Variants in B4GALNT3 observed in about 807,000 individuals in gnomAD.
B4GALNT3 encodes beta-1,4-N-acetyl-galactosaminyltransferase 3.
In B4GALNT3, 86 loss-of-function variants were observed where a neutral mutation model predicts 120.2. The ratio of observed to expected loss-of-function variants is 0.72; its 90% CI spans 0.60 to 0.86. The LOEUF (loss-of-function observed/expected upper bound fraction) is 0.86. B4GALNT3 is among the 40% of genes least tolerant of loss of function. The pLI is 0.00. For missense variants in B4GALNT3, 1,167 were observed against 1,298.9 expected, an observed-to-expected ratio of 0.90 and a Z score of 1.56; for synonymous variants, 518 against 510.4, an observed-to-expected ratio of 1.01 and a Z score of -0.20.
At chr12:514,858 G>T (rs145676080) in intron 1 of B4GALNT3, among the ~76,000 whole-genome samples, 1 of 151,776 alleles carries the variant, frequency 6.6e-6, no homozygotes, top group African/African-American at 2.4e-5. Flanking sequence ...GTGAAACCTC[G>T]TCTCCACTAA....
chr12:491,966 GA>G (rs747062578), intron 1 of B4GALNT3, among the ~76,000 whole-genome samples: 64 of 150,896 alleles, frequency 4.2e-4, no homozygotes, highest in Middle Eastern at 6.9e-3. Context: ...GCTGAGGCAG[GA>G]AAATTGTGTG....
rs55927726 is a variant in B4GALNT3 at position 500,865 on chromosome 12, CTTTT to C, written c.170-34284_170-34281del. Among the ~76,000 whole-genome samples, 18 of 61,810 alleles carry C rather than the reference CTTTT, an allele frequency of 2.9e-4. 1 individual carries two copies. The highest frequency in any genetic ancestry group is 9.7e-4 in the African/African-American group (13 of 13,342). 40.5% of individuals were successfully genotyped at this position (61,810 alleles called of 152,430 possible). A position where few individuals can be genotyped will look rare whatever the true frequency, so the allele number is the denominator to read the frequency against. ...CTGAATTTGAATCCTGGCTCCACTG[CTTTT>C]TTTTTTTTTTTTTTTTGACACAGGG... On this transcript the variant is annotated intron_variant, in intron 1 of 19. Transcript: ENST00000266383.
intron 1 of B4GALNT3, among the ~76,000 whole-genome samples, chr12:531,554 G>A (rs573706335): frequency 2.0e-5 from 3 of 152,196 alleles, no homozygotes; most frequent in African/African-American, 7.2e-5. Context: ...GGAGGCTAAG[G>A]TGGGAGGATT....
chr12:494,220 G>T (rs964628495), intron 1 of B4GALNT3, among the ~76,000 whole-genome samples: 2 of 151,438 alleles, frequency 1.3e-5, no homozygotes, highest in East Asian at 3.9e-4. Context: ...CAAGGCTGCC[G>T]TGAGCCATGA....
chr12:521,507 T>C (rs181789237), intron 1 of B4GALNT3, among the ~76,000 whole-genome samples: 14 of 152,168 alleles, frequency 9.2e-5, no homozygotes, highest in Non-Finnish European at 1.6e-4. Context: ...TTGGCCTGAA[T>C]TAGGAAGGAA....
chr12:493,669 G>C (rs1299434168), intron 1 of B4GALNT3, among the ~76,000 whole-genome samples: 1 of 151,516 alleles, frequency 6.6e-6, no homozygotes, highest in Non-Finnish European at 1.5e-5. Context: ...AAAACAATGA[G>C]AGCATCTCAT....
intron 1 of B4GALNT3, among the ~76,000 whole-genome samples, chr12:472,391 C>T (rs1946144729): frequency 1.3e-5 from 2 of 152,166 alleles, no homozygotes; most frequent in Non-Finnish European, 2.9e-5. Context: ...AACAATCACC[C>T]CACCTCAGCC....
intron 1 of B4GALNT3, among the ~76,000 whole-genome samples, chr12:492,195 A>G (rs1171097633): frequency 2.0e-5 from 3 of 152,246 alleles, no homozygotes; most frequent in Non-Finnish European, 4.4e-5. Context: ...AAAACTGTTC[A>G]CAGATGTCAT....
chr12:498,593 G>A (rs1299713696), intron 1 of B4GALNT3, among the ~76,000 whole-genome samples: 2 of 152,088 alleles, frequency 1.3e-5, no homozygotes, highest in African/African-American at 4.8e-5. Flanking sequence ...AATGGTCTTG[G>A]GGCAGGAGGA....
At position 558,560 on chromosome 12, in the gene B4GALNT3, G is replaced by C. The variant is rs61730392; in HGVS notation, c.2660G>C (p.Gly887Ala). ...LCDLHIHFPA[G>A]VIDAIRKHCV... ...GACCTCCACATCCACTTCCCAGCTG[G>C]AGTCATCGATGCCATTCGGAAGCAC... Residue 887 changes from glycine to alanine, a missense_variant, in exon 18 of 20, where the codon GGA (glycine) becomes GCA (alanine). By Grantham distance (60) the Gly-to-Ala change is moderately conservative. Coordinates refer to ENST00000266383, the MANE Select transcript of B4GALNT3 (RefSeq NM_173593.4). 4.8e-3 allele frequency: 7,779 copies of C among 1,614,172 alleles called. 27 individuals carry two copies. The highest frequency in any genetic ancestry group is 0.019 in the Middle Eastern group (114 of 6,062).
At chr12:493,796 A>T (rs1016572966) in intron 1 of B4GALNT3, among the ~76,000 whole-genome samples, 1 of 152,224 alleles carries the variant, frequency 6.6e-6, no homozygotes, top group Non-Finnish European at 1.5e-5. Context: ...AGTTTAAAAA[A>T]AATGAAAAGT....
At chr12:527,030 T>C (rs903943503) in intron 1 of B4GALNT3, among the ~76,000 whole-genome samples, 1 of 152,086 alleles carries the variant, frequency 6.6e-6, no homozygotes, top group African/African-American at 2.4e-5. Context: ...CTAGGTTCAA[T>C]CCTCCCGAGT....
chr12:470,693 A>C (rs1004218119), intron 1 of B4GALNT3, among the ~76,000 whole-genome samples: 2 of 152,158 alleles, frequency 1.3e-5, no homozygotes, highest in African/African-American at 4.8e-5. Context: ...GAGGGAACGA[A>C]ATGGAGGGAG....
chr12:554,785 G>A lies in B4GALNT3; in HGVS notation c.2060+802G>A, dbSNP rs112727878. Reference sequence around the variant, plus strand: ...AGCCTGGGCGACAGAGCAAGACTCCGTCTCAAAAAAAAAAAAAAAAAAAAA... The same window carrying A: ...AGCCTGGGCGACAGAGCAAGACTCCATCTCAAAAAAAAAAAAAAAAAAAAA... On this transcript the variant is annotated intron_variant, in intron 14 of 19. Transcript: ENST00000266383. Among the ~76,000 whole-genome samples, 395 of 68,360 alleles carry A rather than the reference G, an allele frequency of 5.8e-3. 9 individuals are homozygous for A. Among genetic ancestry groups the A allele is most frequent in the African/African-American group, 0.028 (364 of 13,138 alleles). 44.8% of individuals were successfully genotyped at this position (68,360 alleles called of 152,430 possible).
intron 1 of B4GALNT3, among the ~76,000 whole-genome samples, chr12:505,155 G>A (rs11063316): frequency 0.35 from 52,794 of 151,876 alleles, 10,685 homozygotes; most frequent in Non-Finnish European, 0.46. Context: ...GCCTCCCAAC[G>A]TGCTGGGAGT....
rs184970354 is a variant in B4GALNT3 at position 518,668 on chromosome 12, A to C, written c.170-16498A>C. On this transcript the variant is annotated intron_variant, in intron 1 of 19. Coordinates refer to ENST00000266383, the MANE Select transcript of B4GALNT3 (RefSeq NM_173593.4). The stretch of plus-strand genomic sequence containing the variant: ...TCCCACCTCAGCCTCTCAGAGTACT[A>C]GAATTACAGGCATGAGGCACTGTGC... Among the ~76,000 whole-genome samples, 7 of 152,296 alleles carry C rather than the reference A, an allele frequency of 4.6e-5. No individual in the cohort carries two copies. The East Asian group carries it at 1.3e-3, about 29-fold the overall frequency.
At chr12:521,487 A>C (rs1592039009) in intron 1 of B4GALNT3, among the ~76,000 whole-genome samples, 1 of 152,090 alleles carries the variant, frequency 6.6e-6, no homozygotes, top group South Asian at 2.1e-4. Context: ...GGTCTTTCCC[A>C]GAATTACTCT....
rs372197629 is a variant in B4GALNT3, at chr12:543,065, A to C, written c.352-1274A>C. 5.0e-5 allele frequency: 63 copies of C among 1,262,780 alleles called. No individual in the cohort carries two copies. In the East Asian group the frequency reaches 2.5e-3, roughly 49 times the overall value. 78.2% of individuals were successfully genotyped at this position (1,262,780 alleles called of 1,614,324 possible). ...CCTGTCCTCTCAGCTATTCTGTCAC[A>C]ACCATTGTCCCCGTTGCCTGGGGAA... is the stretch of plus-strand genomic sequence containing the variant. On this transcript the variant is annotated intron_variant, in intron 3 of 19. Transcript: ENST00000266383.
intron 1 of B4GALNT3, among the ~76,000 whole-genome samples, chr12:472,946 C>T (rs1173624653): frequency 6.6e-6 from 1 of 151,118 alleles, no homozygotes; most frequent in Non-Finnish European, 1.5e-5. Flanking sequence ...TTTTTTTCAT[C>T]CACTGATTTG....
Sources: gnomAD v4.1 joint callset for allele counts (sites outside exome capture counted in the v4.1 genomes callset) on GRCh38, gnomAD v4.1.1 for gene constraint, MANE v1.5 for transcripts, NCBI Gene and HGNC (gene_info 2026-07-23, HGNC 2026-07-21) for gene names.